Variants in PLD5 observed in about 807,000 individuals in gnomAD.
PLD5 encodes the protein inactive phospholipase D5.
In PLD5, 36 loss-of-function variants were observed where a neutral mutation model predicts 61.1. The ratio of observed to expected loss-of-function variants is 0.59; its 90% CI spans 0.45 to 0.78. The LOEUF is 0.78. Ranked by LOEUF, PLD5 falls within the 30% of genes least tolerant of loss-of-function variation. The pLI, the probability that PLD5 is intolerant of heterozygous loss-of-function variation, is 0.00. For missense variants in PLD5, 515 were observed against 644.4 expected (o/e 0.80, Z 2.17); for synonymous variants, 243 against 242.8 (o/e 1.00, Z -0.01).
intron 1 of PLD5, among the ~76,000 whole-genome samples, chr1:242,455,238 T>C (rs1666909678): frequency 6.6e-6 from 1 of 152,266 alleles, no homozygotes; most frequent in African/African-American, 2.4e-5. Context: ...AGGCTTTATT[T>C]AGATGAAGAT....
At chr1:242,176,865 C>T (rs1667182780) in intron 5 of PLD5, among the ~76,000 whole-genome samples, 1 of 152,148 alleles carries the variant, frequency 6.6e-6, no homozygotes, top group Non-Finnish European at 1.5e-5. Flanking sequence ...CAAATCAAAA[C>T]CACAATGAGA....
chr1:242,523,835 G>A (rs1391384230), intron 1 of PLD5, among the ~76,000 whole-genome samples: 2 of 152,212 alleles, frequency 1.3e-5, no homozygotes, highest in Non-Finnish European at 2.9e-5. Flanking sequence ...ACCCTACCGG[G>A]AGACGCAGGT....
At chr1:242,094,847 T>C (rs1001086166) in intron 9 of PLD5, among the ~76,000 whole-genome samples, 3 of 152,182 alleles carry the variant, frequency 2.0e-5, no homozygotes, top group African/African-American at 7.2e-5. Flanking sequence ...ACAGAGATTA[T>C]GTGACTTTCT....
At chr1:242,426,224 A>G (rs1165810453) in intron 1 of PLD5, among the ~76,000 whole-genome samples, 1 of 151,954 alleles carries the variant, frequency 6.6e-6, no homozygotes, top group African/African-American at 2.4e-5. Flanking sequence ...GTCAGGAGCA[A>G]TAACACGCAC....
chr1:242,383,234 G>T (rs149873317), intron 1 of PLD5, among the ~76,000 whole-genome samples: 352 of 151,804 alleles, frequency 2.3e-3, no homozygotes, highest in Non-Finnish European at 4.3e-3. Context: ...ATTTTTAACT[G>T]ACACAATCAA....
At chr1:242,474,014 G>C (rs1421140074) in intron 1 of PLD5, among the ~76,000 whole-genome samples, 1 of 152,022 alleles carries the variant, frequency 6.6e-6, no homozygotes, top group African/African-American at 2.4e-5. Flanking sequence ...GCACCAAATG[G>C]ACTGTTAACC....
At chr1:242,419,716 C>G (rs570228006) in intron 1 of PLD5, among the ~76,000 whole-genome samples, 4 of 151,900 alleles carry the variant, frequency 2.6e-5, no homozygotes, top group African/African-American at 9.7e-5. Context: ...CCCGGCCATC[C>G]TGAATTTTAT....
chr1:242,252,696 T>C (rs962038390), intron 4 of PLD5, among the ~76,000 whole-genome samples: 2 of 152,154 alleles, frequency 1.3e-5, no homozygotes, highest in African/African-American at 4.8e-5. Flanking sequence ...TGTTTGGGAC[T>C]GAAAAAAATA....
At chr1:242,090,698 T>C (rs1659755218) in intron 9 of PLD5, among the ~76,000 whole-genome samples, 1 of 152,168 alleles carries the variant, frequency 6.6e-6, no homozygotes, top group Non-Finnish European at 1.5e-5. Flanking sequence ...GCCCGTGTTA[T>C]GTGGTGTATT....
chr1:242,257,683 T>C (rs1349383934), intron 4 of PLD5, among the ~76,000 whole-genome samples: 4 of 152,244 alleles, frequency 2.6e-5, no homozygotes, highest in Admixed American at 1.3e-4. Flanking sequence ...ATTAGCTCAA[T>C]GTACCCATCC....
chr1:242,190,074 T>G (rs2148925511), intron 5 of PLD5, among the ~76,000 whole-genome samples: 1 of 148,970 alleles, frequency 6.7e-6, no homozygotes, highest in Admixed American at 6.7e-5. Flanking sequence ...CTTTACTTAG[T>G]GAAGGACCTT....
At chr1:242,168,230 A>G (rs562756274) in intron 5 of PLD5, among the ~76,000 whole-genome samples, 15 of 152,246 alleles carry the variant, frequency 9.9e-5, no homozygotes, top group Non-Finnish European at 1.6e-4. Context: ...ATGTCTTTAT[A>G]CTACCAGGGT....
At position 242,150,171 on chromosome 1, in the gene PLD5, GTACT is replaced by G. The variant is rs147877407; in HGVS notation, c.736-25510_736-25507del. ...TATTCACAGATTGTATTCATTATAA[GTACT>G]TACTTTTTATAATTTCAATTTTTGA... On this transcript the variant is annotated intron_variant, in intron 5 of 9. Transcript: ENST00000536534. Among the ~76,000 whole-genome samples the G allele has an allele frequency of 2.0e-3, 298 of 151,570 alleles. 1 individual carries two copies. Among genetic ancestry groups the G allele is most frequent in the African/African-American group, 6.7e-3 (276 of 41,448 alleles).
At chr1:242,479,435 T>C (rs1177557833) in intron 1 of PLD5, among the ~76,000 whole-genome samples, 1 of 152,176 alleles carries the variant, frequency 6.6e-6, no homozygotes, top group African/African-American at 2.4e-5. Context: ...TACAGGACCG[T>C]TGAAACATAC....
intron 3 of PLD5, among the ~76,000 whole-genome samples, chr1:242,270,623 T>C (rs1296551143): frequency 1.3e-5 from 2 of 152,226 alleles, no homozygotes; most frequent in African/African-American, 4.8e-5. Flanking sequence ...GTGCTGGGGC[T>C]GAGGGACACT....
At chr1:242,484,669 A>G (rs1667897420) in intron 1 of PLD5, among the ~76,000 whole-genome samples, 1 of 152,234 alleles carries the variant, frequency 6.6e-6, no homozygotes, top group Admixed American at 6.5e-5. Flanking sequence ...AAACTATTCC[A>G]ATCAATAGAA....
At chr1:242,145,880 T>G (rs903826456) in intron 5 of PLD5, among the ~76,000 whole-genome samples, 2 of 152,244 alleles carry the variant, frequency 1.3e-5, no homozygotes, top group African/African-American at 4.8e-5. Flanking sequence ...TTTGCCACAT[T>G]GGCCAGGCTG....
At chr1:242,490,192 C>A (rs1456706059) in intron 1 of PLD5, among the ~76,000 whole-genome samples, 1 of 152,160 alleles carries the variant, frequency 6.6e-6, no homozygotes, top group Non-Finnish European at 1.5e-5. Context: ...GCTCCAGAAG[C>A]AGTCTCTGTT....
chr1:242,236,631 C>T (rs1310898391), intron 4 of PLD5, among the ~76,000 whole-genome samples: 1 of 151,998 alleles, frequency 6.6e-6, no homozygotes. Context: ...AGGTTTGCAC[C>T]ATGGGAAATC....
Sources: allele counts gnomAD v4.1 joint callset (sites outside exome capture counted in the v4.1 genomes callset), GRCh38; gene constraint gnomAD v4.1.1; transcripts MANE v1.5; gene names NCBI Gene and HGNC (gene_info 2026-07-23, HGNC 2026-07-21).